Variants in ARNT2 observed in about 807,000 individuals in gnomAD.
The protein encoded by ARNT2 is aryl hydrocarbon receptor nuclear translocator 2, also known as ARNT protein 2.
ARNT2 carries 36 observed loss-of-function variants against 91.7 expected under a neutral mutation model. That is an observed-to-expected ratio of 0.39 (90% CI 0.30 to 0.52). ARNT2 has a LOEUF of 0.52. Ranked by LOEUF, ARNT2 falls within the 20% of genes least tolerant of loss-of-function variation. ARNT2 has a pLI of 0.72. For synonymous variants in ARNT2, 365 were observed against 347.1 expected, an observed-to-expected ratio of 1.05 and a Z score of -0.57; for missense variants, 775 against 939.3, an observed-to-expected ratio of 0.83 and a Z score of 2.29.
intron 1 of ARNT2, among the ~76,000 whole-genome samples, chr15:80,450,618 T>C (rs1896374285): frequency 6.6e-6 from 1 of 152,238 alleles, no homozygotes. Context: ...CTAAGCTCTT[T>C]TAATTCTGTT....
chr15:80,471,481 A>T (rs1211367664), intron 4 of ARNT2, among the ~76,000 whole-genome samples: 1 of 152,210 alleles, frequency 6.6e-6, no homozygotes, highest in African/African-American at 2.4e-5. Flanking sequence ...TTTTCGTGAC[A>T]TGAGTTTACT....
rs1276228727 is a variant in ARNT2 at position 80,404,445 on chromosome 15, G to A, written c.-71G>A. On this transcript the variant is annotated 5_prime_UTR_variant, in exon 1 of 19. Transcript: ENST00000303329. The surrounding 1 kb of genome is among the most constrained non-coding windows in gnomAD (Gnocchi z 5.5). ...CGCCTGGGCCTGACCGGGTCCCCGG[G>A]GCTGAGCGCCGGGCTCCGCGCCGCC... 2 of 1,085,998 alleles carry A rather than the reference G, an allele frequency of 1.8e-6. No homozygotes were observed. Among genetic ancestry groups the A allele is most frequent in the South Asian group, 2.1e-5 (1 of 47,168 alleles). The allele number at this position is 1,085,998 out of a possible 1,614,324, so 67.3% of individuals were successfully genotyped here.
At chr15:80,409,050 C>T (rs1895645550) in intron 1 of ARNT2, among the ~76,000 whole-genome samples, 3 of 152,126 alleles carry the variant, frequency 2.0e-5, no homozygotes, top group Admixed American at 2.0e-4. Flanking sequence ...ACATGTGTTA[C>T]AATTGATGAA....
chr15:80,583,630 G>A (rs906021128), intron 17 of ARNT2, among the ~76,000 whole-genome samples: 2 of 152,204 alleles, frequency 1.3e-5, no homozygotes, highest in Non-Finnish European at 2.9e-5. Context: ...GCTCACAATA[G>A]CCCTAAGAAG....
At chr15:80,560,413 G>C (rs1187094018) in intron 11 of ARNT2, among the ~76,000 whole-genome samples, 1 of 152,176 alleles carries the variant, frequency 6.6e-6, no homozygotes, top group Non-Finnish European at 1.5e-5. Flanking sequence ...GAGCTAACAT[G>C]TCTAAGGTGC....
intron 10 of ARNT2, among the ~76,000 whole-genome samples, chr15:80,554,166 T>C (rs1898134412): frequency 6.6e-6 from 1 of 152,182 alleles, no homozygotes; most frequent in African/African-American, 2.4e-5. Context: ...TCTAGCACTT[T>C]GGGGGGCCAA....
chr15:80,518,776 A>G (rs904038406), intron 8 of ARNT2, among the ~76,000 whole-genome samples: 1 of 152,228 alleles, frequency 6.6e-6, no homozygotes. Context: ...TGGGAAGGAT[A>G]GAGTTGGGCT....
At chr15:80,468,948 T>G (rs562272263) in intron 3 of ARNT2, among the ~76,000 whole-genome samples, 1 of 152,356 alleles carries the variant, frequency 6.6e-6, no homozygotes, top group Admixed American at 6.5e-5. Flanking sequence ...CAGGGCTGAC[T>G]GGCACGTCTG....
chr15:80,590,328 G>T (rs1010674462), intron 17 of ARNT2, among the ~76,000 whole-genome samples: 6 of 152,160 alleles, frequency 3.9e-5, no homozygotes, highest in South Asian at 2.1e-4. Flanking sequence ...TTCCTTAAAG[G>T]TATCTTCTCT....
At chr15:80,590,405 A>G (rs1321752784) in intron 17 of ARNT2, among the ~76,000 whole-genome samples, 1 of 152,160 alleles carries the variant, frequency 6.6e-6, no homozygotes, top group Non-Finnish European at 1.5e-5. Flanking sequence ...AATTCCACTT[A>G]CTGGATCCTC....
intron 9 of ARNT2, among the ~76,000 whole-genome samples, chr15:80,552,184 A>T (rs1898093158): frequency 6.6e-6 from 1 of 152,214 alleles, no homozygotes; most frequent in Non-Finnish European, 1.5e-5. Flanking sequence ...TTGCTTGCAC[A>T]TGGGTGAAGA....
intron 7 of ARNT2, 125 bp from the exon 8 acceptor site, chr15:80,514,195 G>C (rs1897392032): frequency 9.6e-7 from 1 of 1,045,956 alleles, no homozygotes; most frequent in African/African-American, 1.6e-5. Flanking sequence ...AGGATGGTGA[G>C]GAGTCAAGAT....
At chr15:80,503,251 C>T (rs1000886876) in intron 5 of ARNT2, among the ~76,000 whole-genome samples, 14 of 152,232 alleles carry the variant, frequency 9.2e-5, no homozygotes, top group African/African-American at 2.9e-4. Context: ...CACTGGGATT[C>T]ACAACCCAGT....
chr15:80,586,085 C>T (rs894496345), intron 17 of ARNT2, among the ~76,000 whole-genome samples: 1 of 152,070 alleles, frequency 6.6e-6, no homozygotes, highest in Non-Finnish European at 1.5e-5. Flanking sequence ...CTTTTCATCT[C>T]AACTACTGCC....
At chr15:80,495,650 G>A (rs976249890) in intron 5 of ARNT2, among the ~76,000 whole-genome samples, 2 of 152,226 alleles carry the variant, frequency 1.3e-5, no homozygotes, top group African/African-American at 2.4e-5. Context: ...ACAGATAGCA[G>A]AATCATTTTG....
At position 80,499,017 on chromosome 15, in the gene ARNT2, G is replaced by A. The variant is rs151144474; in HGVS notation, c.623-9139G>A. ...TGAGACAACCGTAACTGGTTACTTA[G>A]TGTCTCTGGGCTTCAGTTTCTTTGT... On this transcript the variant is annotated intron_variant, in intron 5 of 18. Coordinates refer to ENST00000303329, the MANE Select transcript of ARNT2 (RefSeq NM_014862.4). Among the ~76,000 whole-genome samples, 1,192 of 152,302 alleles carry A rather than the reference G, an allele frequency of 7.8e-3. 14 individuals are homozygous for A. The highest frequency in any genetic ancestry group is 0.012 in the Non-Finnish European group (845 of 68,028).
chr15:80,590,536 G>A (rs552889460), intron 17 of ARNT2, among the ~76,000 whole-genome samples: 1 of 152,316 alleles, frequency 6.6e-6, no homozygotes, highest in Non-Finnish European at 1.5e-5. Flanking sequence ...CCAGGAGTTT[G>A]AGACCAACCT....
intron 3 of ARNT2, among the ~76,000 whole-genome samples, chr15:80,462,112 G>A (rs969599879): frequency 6.6e-6 from 1 of 152,104 alleles, no homozygotes; most frequent in African/African-American, 2.4e-5. Flanking sequence ...TGCCCAGCAC[G>A]TCCTGCAACC....
rs2141476029 is a variant in ARNT2 at position 80,574,234 on chromosome 15, A to G, written c.1389+14A>G. ...GACTTATCCCAGGTGAGTTTCTGGAAAACCCTTTCCCTGTTGGAATTGTCT... is the reference window on the plus strand; with the variant it reads ...GACTTATCCCAGGTGAGTTTCTGGAGAACCCTTTCCCTGTTGGAATTGTCT... On this transcript the variant is annotated intron_variant, in intron 13 of 18. Transcript: ENST00000303329. 1 of 1,612,904 alleles carries G rather than the reference A, an allele frequency of 6.2e-7. No homozygotes were observed. Among genetic ancestry groups the G allele is most frequent in the East Asian group, 2.2e-5 (1 of 44,878 alleles).
Sources: gnomAD v4.1 joint callset for allele counts (sites outside exome capture counted in the v4.1 genomes callset) on GRCh38, gnomAD v4.1.1 for gene constraint, Gnocchi (gnomAD v3.1) non-coding constraint, MANE v1.5 for transcripts, NCBI Gene and HGNC (gene_info 2026-07-23, HGNC 2026-07-21) for gene names.